The following RNF13 variants were observed in gnomAD, a reference collection of about 807,000 sequenced individuals.
RNF13 encodes the protein ring finger protein 13.
In RNF13, 19 loss-of-function variants were observed where a neutral mutation model predicts 37.7. That is an observed-to-expected ratio of 0.50 (90% CI 0.35 to 0.74). RNF13 has a LOEUF of 0.74. RNF13 is among the 30% of genes least tolerant of loss of function. The probability of loss-of-function intolerance (pLI) is 0.01; values close to 1 mark genes in which losing one functional copy is unlikely to be tolerated. For synonymous variants in RNF13, 144 were observed against 157.8 expected (o/e 0.91, Z 0.65); for missense variants, 375 against 453.0 (o/e 0.83, Z 1.56).
At chr3:149,912,140 A>AT in intron 7 of RNF13, 57 bp downstream of exon 7, 2 of 823,234 alleles carry the variant, frequency 2.4e-6, no homozygotes, top group Non-Finnish European at 4.1e-6. Context: ...ATCTAAAAAC[A>AT]TTGTATTGAG....
At chr3:149,842,215 G>A (rs558864127) in intron 1 of RNF13, among the ~76,000 whole-genome samples, 1 of 152,026 alleles carries the variant, frequency 6.6e-6, no homozygotes, top group Non-Finnish European at 1.5e-5. Flanking sequence ...TTTTTGCCTT[G>A]TGTGGAGCTC....
At chr3:149,926,615 T>C (rs1311110101) in intron 8 of RNF13, among the ~76,000 whole-genome samples, 2 of 152,228 alleles carry the variant, frequency 1.3e-5, no homozygotes, top group Non-Finnish European at 2.9e-5. Context: ...TTAATCCACA[T>C]GAATTGATTG....
intron 3 of RNF13, among the ~76,000 whole-genome samples, chr3:149,864,291 T>C (rs905537488): frequency 1.2e-4 from 18 of 151,990 alleles, no homozygotes. Flanking sequence ...CATCATGTGA[T>C]CTCTTCTCAC....
At chr3:149,842,716 T>A (rs1281235193) in intron 1 of RNF13, among the ~76,000 whole-genome samples, 2 of 152,250 alleles carry the variant, frequency 1.3e-5, no homozygotes, top group Non-Finnish European at 2.9e-5. Context: ...GTTCAGCCCA[T>A]TAAAGAATAT....
At chr3:149,859,003 T>C (rs1723944356) in intron 3 of RNF13, among the ~76,000 whole-genome samples, 1 of 152,206 alleles carries the variant, frequency 6.6e-6, no homozygotes, top group South Asian at 2.1e-4. Context: ...GTTTTATTTG[T>C]GTTACGTCCT....
At chr3:149,882,186 A>G (rs958886216) in intron 4 of RNF13, among the ~76,000 whole-genome samples, 5 of 150,526 alleles carry the variant, frequency 3.3e-5, no homozygotes, top group Non-Finnish European at 5.9e-5. Flanking sequence ...GAAAAGGTCA[A>G]GTCACATTTG....
intron 7 of RNF13, among the ~76,000 whole-genome samples, chr3:149,919,910 TAGTC>T (rs1471920757): frequency 3.9e-5 from 6 of 152,352 alleles, no homozygotes; most frequent in Admixed American, 3.9e-4. Context: ...ACGCTTGGTA[TAGTC>T]AGTGTTTTAC....
At chr3:149,855,455 A>G (rs1723552280) in intron 3 of RNF13, among the ~76,000 whole-genome samples, 1 of 151,792 alleles carries the variant, frequency 6.6e-6, no homozygotes, top group South Asian at 2.1e-4. Context: ...AATATGAATG[A>G]TCATAGTTTA....
chr3:149,840,924 G>A (rs1172046498), intron 1 of RNF13, among the ~76,000 whole-genome samples: 2 of 152,196 alleles, frequency 1.3e-5, no homozygotes, highest in Non-Finnish European at 2.9e-5. Context: ...TAAATATATG[G>A]ATGTGTATCA....
At chr3:149,881,155 G>A (rs1388409294) in intron 4 of RNF13, among the ~76,000 whole-genome samples, 2 of 152,132 alleles carry the variant, frequency 1.3e-5, no homozygotes, top group Non-Finnish European at 2.9e-5. Context: ...TTTCTGTGTA[G>A]CAGTGAAAAC....
intron 1 of RNF13, among the ~76,000 whole-genome samples, chr3:149,818,185 A>C (rs1399032146): frequency 6.6e-6 from 1 of 152,164 alleles, no homozygotes; most frequent in Non-Finnish European, 1.5e-5. Flanking sequence ...TTATTCACTC[A>C]AATATTTGTT....
chr3:149,852,888 A>G (rs1204976860), intron 3 of RNF13, among the ~76,000 whole-genome samples: 1 of 151,668 alleles, frequency 6.6e-6, no homozygotes, highest in Non-Finnish European at 1.5e-5. Flanking sequence ...ATGTGTGTGT[A>G]CATATATATA....
At chr3:149,922,647 T>A (rs1356155047) in intron 8 of RNF13, among the ~76,000 whole-genome samples, 1 of 152,218 alleles carries the variant, frequency 6.6e-6, no homozygotes, top group African/African-American at 2.4e-5. Flanking sequence ...CATAGGTAGG[T>A]AGCTGTTATA....
Position 149,930,724 on chromosome 3 carries a change from G to A in RNF13, c.700+9497G>A, listed in dbSNP as rs955441761. Among the ~76,000 whole-genome samples the A allele has an allele frequency of 1.1e-4, 16 of 152,214 alleles. No individual in the cohort carries two copies. The East Asian group carries it at 2.3e-3, about 22-fold the overall frequency. ...CTGTTTTGGAAGGTTATTATTTATCGGTTCAGGTTCTTTAATAGACCTAGG... is the reference window on the plus strand; with the variant it reads ...CTGTTTTGGAAGGTTATTATTTATCAGTTCAGGTTCTTTAATAGACCTAGG... On this transcript the variant is annotated intron_variant, in intron 8 of 9. Transcript: ENST00000392894.
chr3:149,860,123 G>A (rs1275838500), intron 3 of RNF13, among the ~76,000 whole-genome samples: 4 of 151,038 alleles, frequency 2.6e-5, no homozygotes, highest in African/African-American at 9.7e-5. Context: ...AAAATTAGCC[G>A]GGCATGGTGG....
At chr3:149,959,902 A>C (rs1364882195) in intron 8 of RNF13, 154 bp from the exon 9 acceptor site, 3 of 504,492 alleles carry the variant, frequency 5.9e-6, no homozygotes, top group African/African-American at 4.0e-5. Context: ...ACTTAAATTG[A>C]AACTTCAGGT....
chr3:149,896,034 A>G (rs1228837001), intron 5 of RNF13, among the ~76,000 whole-genome samples: 1 of 152,146 alleles, frequency 6.6e-6, no homozygotes, highest in African/African-American at 2.4e-5. Flanking sequence ...TCAGATGGGA[A>G]TGTCTTTCTT....
Position 149,872,161 on chromosome 3 carries a change from T to C in RNF13, c.321+7T>C, listed in dbSNP as rs1712148374. 6.6e-7 allele frequency: 1 copy of C among 1,522,142 alleles called. No homozygotes were observed. Among genetic ancestry groups the C allele is most frequent in the Non-Finnish European group, 8.9e-7 (1 of 1,124,192 alleles). 94.3% of individuals were successfully genotyped at this position (1,522,142 alleles called of 1,614,324 possible). ...TTGTAATTTTGATATAAAGGTATGA[T>C]TATCTTTTTTCATTTTTTGTTTCCT... On this transcript the variant is annotated splice_region_variant and intron_variant, in intron 4 of 9. Coordinates refer to ENST00000392894, the MANE Select transcript of RNF13 (RefSeq NM_183381.3).
chr3:149,936,008 ACTGTT>A (rs1719631224), intron 8 of RNF13, among the ~76,000 whole-genome samples: 1 of 150,498 alleles, frequency 6.6e-6, no homozygotes, highest in African/African-American at 2.4e-5. Context: ...TGCTGGGGAC[ACTGTT>A]CTCAGTTGGC....
Sources: allele counts gnomAD v4.1 joint callset (sites outside exome capture counted in the v4.1 genomes callset), GRCh38; gene constraint gnomAD v4.1.1; transcripts MANE v1.5; gene names NCBI Gene and HGNC (gene_info 2026-07-23, HGNC 2026-07-21).